KCNQ5: variants seen among roughly 807,000 people sequenced by gnomAD.
KCNQ5 encodes the protein potassium voltage-gated channel subfamily KQT member 5.
KCNQ5 carries 30 observed loss-of-function variants against 98.2 expected under a neutral mutation model. The ratio of observed to expected loss-of-function variants is 0.31; its 90% CI spans 0.23 to 0.41. The LOEUF is 0.41. Among genes scored for constraint, KCNQ5 ranks in the 10% least tolerant of loss-of-function variants. KCNQ5 has a pLI of 1.00. For synonymous variants in KCNQ5, 458 were observed against 449.4 expected (o/e 1.02, Z -0.24); for missense variants, 835 against 1,182.5 (o/e 0.71, Z 4.31).
At chr6:72,781,850 A>T (rs963977481) in intron 1 of KCNQ5, among the ~76,000 whole-genome samples, 7 of 152,194 alleles carry the variant, frequency 4.6e-5, no homozygotes, top group African/African-American at 1.4e-4. Context: ...ATATCAGGAG[A>T]TGTTTGCAAA....
intron 1 of KCNQ5, among the ~76,000 whole-genome samples, chr6:72,838,885 G>A (rs1776646387): frequency 7.1e-6 from 1 of 141,330 alleles, no homozygotes; most frequent in African/African-American, 2.7e-5. Flanking sequence ...GGGAGGCGGA[G>A]CTTGCAGTGA....
chr6:72,998,670 G>A (rs899265249), intron 1 of KCNQ5, among the ~76,000 whole-genome samples: 1 of 151,762 alleles, frequency 6.6e-6, no homozygotes, highest in Non-Finnish European at 1.5e-5. Context: ...CCGGGAGAAG[G>A]AGCTTGCAGT....
chr6:72,863,531 C>CT (rs1777853225), intron 1 of KCNQ5, among the ~76,000 whole-genome samples: 1 of 152,176 alleles, frequency 6.6e-6, no homozygotes, highest in African/African-American at 2.4e-5. Context: ...CTCTAAAGGG[C>CT]TTAGGGAAAG....
At chr6:72,895,964 T>C (rs959116863) in intron 1 of KCNQ5, among the ~76,000 whole-genome samples, 2 of 152,068 alleles carry the variant, frequency 1.3e-5, no homozygotes, top group Non-Finnish European at 2.9e-5. Flanking sequence ...TATAAGATAG[T>C]TGGACACTGT....
At chr6:73,114,781 C>G (rs1775415399) in intron 7 of KCNQ5, among the ~76,000 whole-genome samples, 1 of 152,056 alleles carries the variant, frequency 6.6e-6, no homozygotes, top group African/African-American at 2.4e-5. Context: ...GAAACAGAAA[C>G]AGGGAATTAA....
intron 5 of KCNQ5, among the ~76,000 whole-genome samples, chr6:73,094,558 T>C (rs998621284): frequency 2.0e-5 from 3 of 152,182 alleles, no homozygotes; most frequent in Non-Finnish European, 4.4e-5. Flanking sequence ...TTGATGTGTT[T>C]CCAGGATTTG....
intron 1 of KCNQ5, among the ~76,000 whole-genome samples, chr6:72,866,591 T>G (rs2150157782): frequency 6.6e-6 from 1 of 152,268 alleles, no homozygotes; most frequent in Non-Finnish European, 1.5e-5. Context: ...TATAAGAATC[T>G]TAGGCTTATC....
At chr6:73,125,191 A>C (rs991020441) in intron 9 of KCNQ5, among the ~76,000 whole-genome samples, 1 of 151,620 alleles carries the variant, frequency 6.6e-6, no homozygotes, top group Non-Finnish European at 1.5e-5. Context: ...CAACCCTCCC[A>C]AAAATTCCCC....
intron 1 of KCNQ5, among the ~76,000 whole-genome samples, chr6:72,891,633 G>A (rs909618895): frequency 6.6e-6 from 1 of 152,094 alleles, no homozygotes; most frequent in Non-Finnish European, 1.5e-5. Context: ...CAAAAATAAT[G>A]GAGTTGCATA....
chr6:73,109,846 A>T (rs1370806157), intron 6 of KCNQ5, among the ~76,000 whole-genome samples: 4 of 152,234 alleles, frequency 2.6e-5, no homozygotes, highest in Admixed American at 2.6e-4. Flanking sequence ...AATGGAGTAG[A>T]TCATTGCTCA....
chr6:73,193,085 C>T (rs1383235162), intron 13 of KCNQ5, among the ~76,000 whole-genome samples: 1 of 144,382 alleles, frequency 6.9e-6, no homozygotes, highest in Non-Finnish European at 1.5e-5. Flanking sequence ...TAGTGGCATG[C>T]TCCCAGCTCA....
intron 11 of KCNQ5, among the ~76,000 whole-genome samples, chr6:73,180,302 A>G (rs929734337): frequency 1.3e-5 from 2 of 152,222 alleles, no homozygotes; most frequent in African/African-American, 2.4e-5. Context: ...TAGGTACTCA[A>G]TGAATATTCA....
At chr6:72,995,592 G>T (rs892131126) in intron 1 of KCNQ5, among the ~76,000 whole-genome samples, 1 of 152,184 alleles carries the variant, frequency 6.6e-6, no homozygotes. Context: ...ATTCAGGTAA[G>T]ATGATAGTCG....
At chr6:72,954,040 C>T (rs190089412) in intron 1 of KCNQ5, among the ~76,000 whole-genome samples, 5 of 152,288 alleles carry the variant, frequency 3.3e-5, no homozygotes, top group Admixed American at 3.3e-4. Flanking sequence ...TACTTAAGTT[C>T]AGATTCCTTG....
intron 1 of KCNQ5, among the ~76,000 whole-genome samples, chr6:72,745,511 G>A (rs1368536338): frequency 6.6e-6 from 1 of 152,086 alleles, no homozygotes; most frequent in South Asian, 2.1e-4. Context: ...CTAAACTTCA[G>A]CCTACATTTA....
At chr6:72,866,311 G>A (rs1489383345) in intron 1 of KCNQ5, among the ~76,000 whole-genome samples, 1 of 142,166 alleles carries the variant, frequency 7.0e-6, no homozygotes, top group Non-Finnish European at 1.5e-5. Context: ...CTGAAGTGCA[G>A]CGGTGTGATC....
chr6:72,736,273 A>G (rs1344965556), intron 1 of KCNQ5, among the ~76,000 whole-genome samples: 1 of 152,164 alleles, frequency 6.6e-6, no homozygotes, highest in Admixed American at 6.5e-5. Context: ...AAATAATTTT[A>G]GCAGTGTTAT....
At chr6:72,757,027 T>C (rs1772007814) in intron 1 of KCNQ5, among the ~76,000 whole-genome samples, 1 of 152,162 alleles carries the variant, frequency 6.6e-6, no homozygotes, top group Non-Finnish European at 1.5e-5. Context: ...TGAAATGTAA[T>C]ATAACATTTC....
At chr6:72,647,434 C>T (rs1765649078) in intron 1 of KCNQ5, among the ~76,000 whole-genome samples, 1 of 149,418 alleles carries the variant, frequency 6.7e-6, no homozygotes, top group African/African-American at 2.5e-5. Flanking sequence ...TGTACAACAA[C>T]CCAGAAAAAA....
Sources: gnomAD v4.1 joint callset for allele counts (sites outside exome capture counted in the v4.1 genomes callset) on GRCh38, gnomAD v4.1.1 for gene constraint, MANE v1.5 for transcripts, NCBI Gene and HGNC (gene_info 2026-07-23, HGNC 2026-07-21) for gene names.